JMJD1C: variants seen among roughly 807,000 people sequenced by gnomAD.
The protein encoded by JMJD1C is jumonji domain-containing protein 1C.
JMJD1C carries 31 observed loss-of-function variants against 245.3 expected under a neutral mutation model. The observed-to-expected ratio is 0.13, with a 90% confidence interval of 0.09 to 0.17. The LOEUF (loss-of-function observed/expected upper bound fraction) is 0.17. Among genes scored for constraint, JMJD1C ranks in the 10% least tolerant of loss-of-function variants. The pLI is 1.00. For missense variants in JMJD1C, 2,691 were observed against 3,000.2 expected, an observed-to-expected ratio of 0.90 and a Z score of 2.41; for synonymous variants, 1,057 against 1,017.4, an observed-to-expected ratio of 1.04 and a Z score of -0.74.
Position 63,387,826 on chromosome 10 carries a change from G to A in JMJD1C, c.169-7344C>T, listed in dbSNP as rs948976255. ...AATTTTTTGTATTTTTAGTAGAGAC[G>A]GGGTTTCACCGTGTTAGCCAGGATG... is the stretch of plus-strand genomic sequence containing the variant. On this transcript the variant is annotated intron_variant, in intron 1 of 25. Coordinates refer to ENST00000399262, the MANE Select transcript of JMJD1C (RefSeq NM_032776.3). 7.3e-5 allele frequency among the ~76,000 whole-genome samples: 11 copies of A among 151,322 alleles called. 1 individual carries two copies. The highest frequency in any genetic ancestry group is 4.0e-4 in the Admixed American group (6 of 15,188).
intron 3 of JMJD1C, among the ~76,000 whole-genome samples, chr10:63,225,723 G>A (rs1849187622): frequency 6.6e-6 from 1 of 151,262 alleles, no homozygotes; most frequent in African/African-American, 2.4e-5. Flanking sequence ...AGGATGCAGT[G>A]AGCTGAGATG....
At chr10:63,380,855 T>C (rs776894594) in intron 1 of JMJD1C, among the ~76,000 whole-genome samples, 1 of 152,168 alleles carries the variant, frequency 6.6e-6, no homozygotes, top group East Asian at 1.9e-4. Context: ...TGGAAAACAG[T>C]ATGGAGGTTC....
intron 22 of JMJD1C, among the ~76,000 whole-genome samples, chr10:63,180,822 G>A (rs1252809473): frequency 6.7e-6 from 1 of 148,596 alleles, no homozygotes; most frequent in Non-Finnish European, 1.5e-5. Flanking sequence ...AGGCTGGAGT[G>A]CAGTGGCGGG....
chr10:63,368,709 CAG>C (rs1469187720), intron 2 of JMJD1C, among the ~76,000 whole-genome samples: 5 of 152,246 alleles, frequency 3.3e-5, no homozygotes, highest in South Asian at 2.1e-4. Flanking sequence ...TGTTTTGAGA[CAG>C]AGTCTCGCTC....
chr10:63,360,169 T>C (rs1945203485), intron 2 of JMJD1C, among the ~76,000 whole-genome samples: 1 of 151,994 alleles, frequency 6.6e-6, no homozygotes, highest in African/African-American at 2.4e-5. Context: ...AGAAAAAGAT[T>C]TGCCAGGCAT....
At chr10:63,408,465 G>C (rs978290557) in intron 1 of JMJD1C, among the ~76,000 whole-genome samples, 2 of 151,282 alleles carry the variant, frequency 1.3e-5, no homozygotes, top group Admixed American at 6.6e-5. Context: ...TTTCCAAGCA[G>C]AGACACAAGA....
rs552137024 is a variant in JMJD1C at position 63,507,939 on chromosome 10, C to T, written n.113+13799G>A. On this transcript the variant is annotated intron_variant and non_coding_transcript_variant, in intron 1 of 3. Transcript: ENST00000633035. The stretch of plus-strand genomic sequence containing the variant: ...AGGTTGTTTATATTCTTACTGTTGA[C>T]GTTGAAGAATTATTTGTATATTTTA... Among the ~76,000 whole-genome samples, 5 of 152,122 alleles carry T rather than the reference C, an allele frequency of 3.3e-5. No individual in the cohort carries two copies. The South Asian group carries it at 8.3e-4, about 25-fold the overall frequency.
chr10:63,521,146 G>A (rs998631412), intron 1 of JMJD1C, among the ~76,000 whole-genome samples: 1 of 152,158 alleles, frequency 6.6e-6, no homozygotes, highest in Non-Finnish European at 1.5e-5. Context: ...AGCTAAGGAG[G>A]GTAAGGTTGG....
rs1330261561 is a variant in JMJD1C, at chr10:63,194,273, A to C, written c.5734+13T>G. On this transcript the variant is annotated intron_variant, in intron 14 of 25. Transcript: ENST00000399262. The stretch of plus-strand genomic sequence containing the variant: ...CCAAGAGCAGTTATATTACATGAAG[A>C]AGATATACTTACCAGAACCAGGTAT... 3.2e-6 allele frequency: 5 copies of C among 1,545,268 alleles called. No individual in the cohort carries two copies. Among genetic ancestry groups the C allele is most frequent in the Admixed American group, 1.7e-5 (1 of 59,940 alleles).
chr10:63,436,963 A>G (rs1951090431), intron 1 of JMJD1C, among the ~76,000 whole-genome samples: 1 of 152,038 alleles, frequency 6.6e-6, no homozygotes, highest in African/African-American at 2.4e-5. Flanking sequence ...TGATCTCAAC[A>G]CCATTTCATT....
upstream of JMJD1C, among the ~76,000 whole-genome samples, chr10:63,468,848 ATGTGTCTGTTGTCCCAGC>A (rs1412958846): frequency 6.6e-6 from 1 of 152,174 alleles, no homozygotes; most frequent in African/African-American, 2.4e-5. Flanking sequence ...GGATGATGGC[ATGTGTCTGTTGTCCCAGC>A]TTCTCTGGAG....
Position 63,194,360 on chromosome 10 carries a change from G to A in JMJD1C, c.5660C>T (p.Ala1887Val), listed in dbSNP as rs1156737248. ...CTGTCCCTTCACACACTTCATCCAAGCATATAGTTCTTTATCTGTAAGATA... is the reference window on the plus strand; with the variant it reads ...CTGTCCCTTCACACACTTCATCCAAACATATAGTTCTTTATCTGTAAGATA... ...RKSSRDKELY[A>V]WMKCVKGQPH... The change falls in exon 14 of 26, where the codon GCT (alanine) becomes GTT (valine). Residue 1887 changes from alanine to valine, a missense_variant. Ala to Val is a moderately conservative substitution (Grantham distance 64). Coordinates refer to ENST00000399262, the MANE Select transcript of JMJD1C (RefSeq NM_032776.3). The A allele has an allele frequency of 1.2e-6, 2 of 1,609,610 alleles. No individual in the cohort carries two copies. The highest frequency in any genetic ancestry group is 2.2e-5 in the South Asian group (2 of 90,988).
intron 2 of JMJD1C, among the ~76,000 whole-genome samples, chr10:63,372,798 T>TA (rs1204548944): frequency 3.3e-5 from 5 of 152,226 alleles, no homozygotes; most frequent in African/African-American, 1.2e-4. Flanking sequence ...ATAGGTATAA[T>TA]ACAAAGCAGA....
chr10:63,183,522 T>C lies in JMJD1C; in HGVS notation c.7009A>G (p.Ile2337Val). 1 of 1,606,920 alleles carries C rather than the reference T, an allele frequency of 6.2e-7. No individual in the cohort carries two copies. Among genetic ancestry groups the C allele is most frequent in the Non-Finnish European group, 8.5e-7 (1 of 1,175,502 alleles). ...DHDIGTTNLHIEVSDVVNILV... is the reference protein window; with the variant it reads ...DHDIGTTNLHVEVSDVVNILV... ...ATATTTACAACATCAGAAACTTCAA[T>C]ATGGAGATTTGTTGTTCCTATATCA... The change falls in exon 22 of 26, where the codon ATT becomes GTT. Residue 2337 changes from isoleucine (I) to valine (V), a missense_variant. Coordinates refer to ENST00000399262, the MANE Select transcript of JMJD1C (RefSeq NM_032776.3).
intron 1 of JMJD1C, among the ~76,000 whole-genome samples, chr10:63,419,834 TAAAA>T (rs34006135): frequency 0.016 from 1,872 of 114,462 alleles, 20 homozygotes; most frequent in African/African-American, 0.038. Context: ...CTCCATGAAA[TAAAA>T]AAAAAAAAAA....
At chr10:63,295,834 T>C (rs890805898) in intron 2 of JMJD1C, among the ~76,000 whole-genome samples, 7 of 151,564 alleles carry the variant, frequency 4.6e-5, no homozygotes, top group African/African-American at 1.7e-4. Flanking sequence ...GTTAACTGTA[T>C]TTATCCACAA....
At chr10:63,321,043 TAG>T (rs1235933681) in intron 2 of JMJD1C, among the ~76,000 whole-genome samples, 2 of 149,042 alleles carry the variant, frequency 1.3e-5, no homozygotes, top group African/African-American at 4.9e-5. Flanking sequence ...CCCCTAAAAA[TAG>T]AGTTTGAATG....
At chr10:63,345,056 T>C (rs183190981) in intron 2 of JMJD1C, among the ~76,000 whole-genome samples, 4 of 152,304 alleles carry the variant, frequency 2.6e-5, no homozygotes, top group Admixed American at 2.6e-4. Flanking sequence ...TAAAAATGTA[T>C]GTTCACACAA....
intron 3 of JMJD1C, among the ~76,000 whole-genome samples, chr10:63,220,899 G>A (rs1848521383): frequency 1.3e-5 from 2 of 152,076 alleles, no homozygotes; most frequent in African/African-American, 4.8e-5. Flanking sequence ...ACAAGGTCAG[G>A]AGATCGAGAC....
Sources: gnomAD v4.1 joint callset for allele counts (sites outside exome capture counted in the v4.1 genomes callset) on GRCh38, gnomAD v4.1.1 for gene constraint, MANE v1.5 for transcripts, NCBI Gene and HGNC (gene_info 2026-07-23, HGNC 2026-07-21) for gene names.